The following SUZ12 variants were observed in gnomAD, a reference collection of about 807,000 sequenced individuals.
SUZ12 encodes polycomb protein SUZ12.
A neutral mutation model predicts 87.3 loss-of-function variants in SUZ12; 17 were observed. The observed-to-expected ratio is 0.19, with a 90% CI of 0.13 to 0.29. SUZ12 has a LOEUF of 0.29. Among genes scored for constraint, SUZ12 ranks in the 10% least tolerant of loss-of-function variants. The pLI is 1.00. For missense variants in SUZ12, 526 were observed against 912.2 expected (o/e 0.58, Z 5.45); for synonymous variants, 253 against 312.4 (o/e 0.81, Z 2.01).
chr17:31,981,530 G>GT (rs1567831864), intron 8 of SUZ12, among the ~76,000 whole-genome samples: 1 of 152,166 alleles, frequency 6.6e-6, no homozygotes, highest in African/African-American at 2.4e-5. Flanking sequence ...GGAATAGTAC[G>GT]TATCTATGTA....
intron 4 of SUZ12, among the ~76,000 whole-genome samples, chr17:31,951,431 T>G (rs1194938562): frequency 2.6e-5 from 4 of 152,040 alleles, no homozygotes; most frequent in East Asian, 1.9e-4. Flanking sequence ...CAGAAACTTG[T>G]TGGTGGAAGG....
intron 9 of SUZ12, among the ~76,000 whole-genome samples, chr17:31,985,736 C>A (rs1411646445): frequency 6.6e-6 from 1 of 151,438 alleles, no homozygotes; most frequent in African/African-American, 2.4e-5. Context: ...GATCTTGGCT[C>A]ACTGCAACCT....
chr17:31,983,196 AG>A, intron 9 of SUZ12, 92 bp downstream of exon 9: 2 of 1,280,904 alleles, frequency 1.6e-6, no homozygotes, highest in East Asian at 2.4e-5. Context: ...TCATGTTGGA[AG>A]TAGAGTCCTT....
chr17:31,942,983 A>G (rs574180351), intron 3 of SUZ12, among the ~76,000 whole-genome samples: 6 of 152,348 alleles, frequency 3.9e-5, no homozygotes, highest in Admixed American at 1.3e-4. Context: ...GCTACTGTTT[A>G]TTAAGTAGGT....
chr17:31,988,181 C>G, intron 9 of SUZ12, 139 bp from the exon 10 acceptor site: 2 of 770,492 alleles, frequency 2.6e-6, no homozygotes, highest in Non-Finnish European at 3.9e-6. Context: ...GCCTAGCCGT[C>G]TCAGTCAGCA....
At chr17:31,970,388 G>A (rs1472686387) in intron 5 of SUZ12, among the ~76,000 whole-genome samples, 1 of 152,164 alleles carries the variant, frequency 6.6e-6, no homozygotes. Flanking sequence ...AGCACTTTGG[G>A]AGGCCGAGGC....
At chr17:31,955,426 G>A (rs534977262) in intron 4 of SUZ12, among the ~76,000 whole-genome samples, 130 of 152,078 alleles carry the variant, frequency 8.5e-4, no homozygotes, top group African/African-American at 3.0e-3. Context: ...AGGACCACAG[G>A]CGCAAGATAC....
chr17:31,967,634 T>G (rs1207634428), intron 5 of SUZ12: 2 of 151,988 alleles, frequency 1.3e-5, no homozygotes, highest in Non-Finnish European at 2.9e-5. Flanking sequence ...AATCTCAGCA[T>G]TTTGGGAGGC....
At chr17:31,941,927 A>C (rs1567810898) in intron 3 of SUZ12, among the ~76,000 whole-genome samples, 1 of 151,824 alleles carries the variant, frequency 6.6e-6, no homozygotes, top group Non-Finnish European at 1.5e-5. Context: ...ATATCGGCTC[A>C]CTGCAACCTC....
chr17:31,979,869 T>G (rs1028563989), intron 8 of SUZ12, among the ~76,000 whole-genome samples: 2 of 152,230 alleles, frequency 1.3e-5, no homozygotes, highest in African/African-American at 4.8e-5. Context: ...TTTGCTTGAA[T>G]AAATTATTCC....
In SUZ12 at chr17:31,940,277, A is replaced by G. The variant is rs568176830; in HGVS notation, c.275-9A>G. 4.4e-5 allele frequency: 71 copies of G among 1,608,754 alleles called. No individual in the cohort carries two copies. In the East Asian group the frequency reaches 5.8e-4, roughly 13 times the overall value. On this transcript the variant is annotated splice_polypyrimidine_tract_variant and intron_variant, in intron 1 of 15. Coordinates refer to ENST00000322652, the MANE Select transcript of SUZ12 (RefSeq NM_015355.4). ...AGATCATGTTTGGATTTTGTTTCCT[A>G]TTACCTAGAGCCAACACAGATCTAT... is the stretch of plus-strand genomic sequence containing the variant.
rs140751665 is a variant in SUZ12 at position 31,954,283 on chromosome 17, G to C, written c.455+6598G>C. On this transcript the variant is annotated intron_variant, in intron 4 of 15. Coordinates refer to ENST00000322652, the MANE Select transcript of SUZ12 (RefSeq NM_015355.4). ...TCACCATATTGGTCAGGCTGGTTTC[G>C]AACTCCTGACCTCGTGTTCTGCCCA... is the stretch of plus-strand genomic sequence containing the variant. Among the ~76,000 whole-genome samples the C allele has an allele frequency of 3.3e-5, 5 of 152,084 alleles. No homozygotes were observed. In the East Asian group the frequency reaches 9.7e-4, roughly 29 times the overall value.
chr17:31,949,272 C>T (rs1022645537), intron 4 of SUZ12, among the ~76,000 whole-genome samples: 1 of 152,126 alleles, frequency 6.6e-6, no homozygotes, highest in Non-Finnish European at 1.5e-5. Flanking sequence ...AATTTTGTTC[C>T]TTTTGACCTG....
At chr17:31,985,016 A>T (rs1034975433) in intron 9 of SUZ12, among the ~76,000 whole-genome samples, 25 of 152,120 alleles carry the variant, frequency 1.6e-4, no homozygotes, top group Non-Finnish European at 7.4e-5. Flanking sequence ...TTAGCCAGGC[A>T]TGGTGGCAGG....
At chr17:31,991,637 C>T (rs1053339566) in intron 10 of SUZ12, among the ~76,000 whole-genome samples, 10 of 151,946 alleles carry the variant, frequency 6.6e-5, no homozygotes, top group African/African-American at 2.4e-4. Context: ...CGGAGTCTTG[C>T]TCCGTCACCC....
chr17:31,960,876 C>T (rs920063367), intron 4 of SUZ12, among the ~76,000 whole-genome samples: 4 of 152,128 alleles, frequency 2.6e-5, no homozygotes, highest in African/African-American at 9.7e-5. Flanking sequence ...CCGTGCCTGG[C>T]CCCAATGTTG....
At chr17:31,954,829 T>C (rs1907210440) in intron 4 of SUZ12, among the ~76,000 whole-genome samples, 2 of 152,170 alleles carry the variant, frequency 1.3e-5, no homozygotes, top group Admixed American at 6.6e-5. Flanking sequence ...ATATTACATA[T>C]AAAGCATTTG....
intron 10 of SUZ12, among the ~76,000 whole-genome samples, chr17:31,989,850 C>G (rs1277285946): frequency 1.3e-5 from 2 of 150,862 alleles, no homozygotes; most frequent in South Asian, 4.2e-4. Flanking sequence ...ACCTTGTGAT[C>G]CGCCCGCCTT....
At position 31,998,940 on chromosome 17, in the gene SUZ12, G is replaced by T; in HGVS notation, c.2157G>T (p.Glu719Asp). 1 of 1,607,670 alleles carries T rather than the reference G, an allele frequency of 6.2e-7. No individual in the cohort carries two copies. Among genetic ancestry groups the T allele is most frequent in the Non-Finnish European group, 8.5e-7 (1 of 1,178,292 alleles). Reference sequence around the variant, plus strand: ...GATTTAGTGAAATTAACTCAAAAGAGAAAGCTTTGGAAACAGATAGTGTCT... The same window carrying T: ...GATTTAGTGAAATTAACTCAAAAGATAAAGCTTTGGAAACAGATAGTGTCT... ...ANGFSEINSK[E>D]KALETDSVSG... The change falls in exon 16 of 16, where the codon GAG becomes GAT. Residue 719 changes from glutamate (E) to aspartate (D), a missense_variant. Glu to Asp is a conservative substitution (Grantham distance 45, BLOSUM62 2). Coordinates refer to ENST00000322652, the MANE Select transcript of SUZ12 (RefSeq NM_015355.4).
Sources: gnomAD v4.1 joint callset for allele counts (sites outside exome capture counted in the v4.1 genomes callset) on GRCh38, gnomAD v4.1.1 for gene constraint, MANE v1.5 for transcripts, NCBI Gene and HGNC (gene_info 2026-07-23, HGNC 2026-07-21) for gene names.